The following PRXL2B variants were observed in gnomAD, a reference collection of about 807,000 sequenced individuals.
PRXL2B encodes prostamide/prostaglandin F synthase.
In PRXL2B, 26 loss-of-function variants were observed where a neutral mutation model predicts 24.4. That is an observed-to-expected ratio of 1.07 (90% confidence interval 0.78 to 1.48). The LOEUF (loss-of-function observed/expected upper bound fraction) is 1.48. Among genes scored for constraint, PRXL2B ranks in the 40% most tolerant of loss-of-function variants. The pLI is 0.00. For missense variants in PRXL2B, 269 were observed against 264.8 expected (o/e 1.02, Z -0.11); for synonymous variants, 115 against 118.9 (o/e 0.97, Z 0.21).
rs564092067 is a variant in PRXL2B at position 2,587,995 on chromosome 1, G to C, written c.320+203G>C. 1.3e-5 allele frequency among the ~76,000 whole-genome samples: 2 copies of C among 152,200 alleles called. No individual in the cohort carries two copies. The highest frequency in any genetic ancestry group is 6.5e-5 in the Admixed American group (1 of 15,310). On this transcript the variant is annotated intron_variant, in intron 3 of 6. Transcript: ENST00000419916. This position sits in a 1 kb window ranked among gnomAD's most constrained non-coding sequence, Gnocchi z 6.1. ...CTGGGTGACTGTAATGAGCCACCTCGTCCGGGGCTTACTCTCGGTGTCCAG... is the reference window on the plus strand; with the variant it reads ...CTGGGTGACTGTAATGAGCCACCTCCTCCGGGGCTTACTCTCGGTGTCCAG...
chr1:2,587,256 G>A lies in PRXL2B; in HGVS notation c.229G>A (p.Gly77Ser). 1 of 1,578,368 alleles carries A rather than the reference G, an allele frequency of 6.3e-7. No homozygotes were observed. The highest frequency in any genetic ancestry group is 8.6e-7 in the Non-Finnish European group (1 of 1,168,386). Reference protein sequence around the residue: ...RLVGVGPEALGLQEFLDGDYF... With the variant: ...RLVGVGPEALSLQEFLDGDYF... ...GGTGGGCGTAGGGCCCGAGGCCCTG[G>A]GTCTGCAGGAGTTCCTGGACGGCGA... Residue 77 changes from glycine to serine, a missense_variant, in exon 2 of 7, where the codon GGT becomes AGT. Physicochemically the swap from Gly to Ser is moderately conservative, Grantham distance 56. Transcript: ENST00000419916. The surrounding 1 kb of genome is among the most constrained non-coding windows in gnomAD (Gnocchi z 6.1).
In PRXL2B at chr1:2,588,452, A is replaced by AGGTG; in HGVS notation, c.384_384+3dup. Reference sequence around the variant, plus strand: ...AAGCCCGTGCGTGATGTGGCTGCCAAGGTGTGTGCGGGTCAAGGGTGTACA... The same window carrying AGGTG: ...AAGCCCGTGCGTGATGTGGCTGCCAAGGTGGGTGTGTGCGGGTCAAGGGTGTACA... On this transcript the variant is annotated frameshift_variant and splice_region_variant, in exon 4 of 7. Coordinates refer to ENST00000419916, the MANE Select transcript of PRXL2B (RefSeq NM_152371.5). LOFTEE classifies it high-confidence loss of function. The AGGTG allele has an allele frequency of 6.2e-7, 1 of 1,613,246 alleles. No homozygotes were observed. The highest frequency in any genetic ancestry group is 8.5e-7 in the Non-Finnish European group (1 of 1,179,990).
rs1644602838 is a variant in PRXL2B at position 2,588,953 on chromosome 1, G to T, written c.492G>T (p.Gln164His). Reference protein sequence around the residue: ...GGDKVLLHFVQKSPGDYVPKE... With the variant: ...GGDKVLLHFVHKSPGDYVPKE... ...ATAAAGTGCTCCTGCATTTCGTCCA[G>T]AAGTCCCCAGGCGACTACGTCCCCA... The change falls in exon 6 of 7, where the codon CAG becomes CAT. Residue 164 changes from glutamine to histidine, a missense_variant. By Grantham distance (24) the Gln-to-His change is conservative. Transcript: ENST00000419916. 11 of 1,613,214 alleles carry T rather than the reference G, an allele frequency of 6.8e-6. No homozygotes were observed. The highest frequency in any genetic ancestry group is 7.6e-6 in the Non-Finnish European group (9 of 1,180,016).
chr1:2,589,768 G>T lies in PRXL2B; in HGVS notation c.*341G>T. The stretch of plus-strand genomic sequence containing the variant: ...GGGCACTGGGGATGGTAACCTCACT[G>T]CCCCGTCACTCCCTTCAAAGGCGAC... On this transcript the variant is annotated 3_prime_UTR_variant, in exon 7 of 7. Coordinates refer to ENST00000419916, the MANE Select transcript of PRXL2B (RefSeq NM_152371.5). 1 of 438,398 alleles carries T rather than the reference G, an allele frequency of 2.3e-6. No individual in the cohort carries two copies. Among genetic ancestry groups the T allele is most frequent in the Non-Finnish European group, 4.1e-6 (1 of 242,788 alleles). 27.2% of individuals were successfully genotyped at this position (438,398 alleles called of 1,614,324 possible).
rs1644552444 is a variant in PRXL2B at position 2,587,442 on chromosome 1, CT to C, written c.268+148del. On this transcript the variant is annotated intron_variant, in intron 2 of 6. Coordinates refer to ENST00000419916, the MANE Select transcript of PRXL2B (RefSeq NM_152371.5). This position sits in a 1 kb window ranked among gnomAD's most constrained non-coding sequence, Gnocchi z 6.1. ...GTCAGCGTCCCTCATCTCTCCCTGC[CT>C]CCCCGCCCCGCAGCTGGTGGCTGGG... 1.0e-6 allele frequency: 1 copy of C among 988,256 alleles called. No individual in the cohort carries two copies. Among genetic ancestry groups the C allele is most frequent in the Non-Finnish European group, 1.5e-6 (1 of 668,254 alleles). The allele number at this position is 988,256 out of a possible 1,614,324, so 61.2% of individuals were successfully genotyped here. A position where few individuals can be genotyped will look rare whatever the true frequency, so the allele number is the denominator to read the frequency against.
At chr1:2,589,327 G>C (rs1644618192) in intron 6 of PRXL2B, 83 bp from the exon 7 acceptor site, 1 of 1,565,882 alleles carries the variant, frequency 6.4e-7, no homozygotes, top group African/African-American at 1.4e-5. Flanking sequence ...CCTTGGGAGG[G>C]CTGGGGATTG....
Position 2,591,413 on chromosome 1 carries a change from C to G in PRXL2B, c.*1986C>G, listed in dbSNP as rs61765768. ...GTAAGAGAATGTCCCTGACCGAAATCGGCCAGAAGCCCCTCTCAGGTTTAT... is the reference window on the plus strand; with the variant it reads ...GTAAGAGAATGTCCCTGACCGAAATGGGCCAGAAGCCCCTCTCAGGTTTAT... On this transcript the variant is annotated 3_prime_UTR_variant, in exon 7 of 7. Coordinates refer to ENST00000419916, the MANE Select transcript of PRXL2B (RefSeq NM_152371.5). The G allele has an allele frequency of 2.9e-6, 2 of 698,504 alleles. No individual in the cohort carries two copies. Among genetic ancestry groups the G allele is most frequent in the East Asian group, 2.6e-5 (1 of 38,746 alleles). 43.3% of individuals were successfully genotyped at this position (698,504 alleles called of 1,614,324 possible). A position where few individuals can be genotyped will look rare whatever the true frequency, so the allele number is the denominator to read the frequency against.
At chr1:2,589,221 G>A (rs887368733) in intron 6 of PRXL2B, among the ~76,000 whole-genome samples, 181 bp downstream of exon 6, 2 of 152,260 alleles carry the variant, frequency 1.3e-5, no homozygotes, top group African/African-American at 2.4e-5. Context: ...GAGAGGGGCC[G>A]AAGGGCAGCA....
chr1:2,590,948 G>A lies in PRXL2B; in HGVS notation c.*1521G>A, dbSNP rs773153444. The A allele has an allele frequency of 5.6e-5, 80 of 1,420,364 alleles. No individual in the cohort carries two copies. Among genetic ancestry groups the A allele is most frequent in the Non-Finnish European group, 7.0e-5 (75 of 1,072,350 alleles). 88.0% of individuals were successfully genotyped at this position (1,420,364 alleles called of 1,614,324 possible). ...TGCACCTTCGCACAGATGCCTCCGA[G>A]CAGCGGGTGGGCGTGGGCCGCACAG... On this transcript the variant is annotated 3_prime_UTR_variant, in exon 7 of 7. Coordinates refer to ENST00000419916, the MANE Select transcript of PRXL2B (RefSeq NM_152371.5).
rs2100911972 is a variant in PRXL2B, at chr1:2,589,561, AC to A, written c.*135del. On this transcript the variant is annotated 3_prime_UTR_variant, in exon 7 of 7. Transcript: ENST00000419916. ...AACCTCTCCTGATCCGCCGGCAGCA[AC>A]GAGCCATTAAAACTGCAGTTCCTGA... 1 of 1,299,290 alleles carries A rather than the reference AC, an allele frequency of 7.7e-7. No homozygotes were observed. The highest frequency in any genetic ancestry group is 2.1e-5 in the Admixed American group (1 of 47,698). The allele number at this position is 1,299,290 out of a possible 1,614,324, so 80.5% of individuals were successfully genotyped here.
At chr1:2,586,658 T>G, upstream of PRXL2B, 1 of 1,064,152 alleles carries the variant, frequency 9.4e-7, no homozygotes, top group Non-Finnish European at 1.2e-6. Context: ...CGGGGTGCGG[T>G]CGGGGGCGTG....
rs770714266 is a variant in PRXL2B, at chr1:2,588,533, G to T, written c.385-17G>T. ...CTTTCTTCTAGGATTGACTCAGGCT[G>T]TACCCACTCCTGACAGGCCAAGGCT... On this transcript the variant is annotated splice_polypyrimidine_tract_variant and intron_variant, in intron 4 of 6. Transcript: ENST00000419916. 10 of 1,614,110 alleles carry T rather than the reference G, an allele frequency of 6.2e-6. No individual in the cohort carries two copies. Among genetic ancestry groups the T allele is most frequent in the Non-Finnish European group, 7.6e-6 (9 of 1,179,984 alleles).
chr1:2,588,717 C>A, intron 5 of PRXL2B, 92 bp downstream of exon 5: 1 of 1,408,638 alleles, frequency 7.1e-7, no homozygotes, highest in Non-Finnish European at 9.9e-7. Flanking sequence ...GCTTGTCAGT[C>A]TCATCACAGC....
In PRXL2B at chr1:2,591,236, A is replaced by G. The variant is rs1327861927; in HGVS notation, c.*1809A>G. Reference sequence around the variant, plus strand: ...CAGAAACATTTCAACCATGAGATAAACCCCCATCTGACCAGAAACATGCCA... The same window carrying G: ...CAGAAACATTTCAACCATGAGATAAGCCCCCATCTGACCAGAAACATGCCA... On this transcript the variant is annotated 3_prime_UTR_variant, in exon 7 of 7. Coordinates refer to ENST00000419916, the MANE Select transcript of PRXL2B (RefSeq NM_152371.5). 11 of 612,332 alleles carry G rather than the reference A, an allele frequency of 1.8e-5. No homozygotes were observed. Among genetic ancestry groups the G allele is most frequent in the Admixed American group, 3.1e-5 (1 of 32,184 alleles). 37.9% of individuals were successfully genotyped at this position (612,332 alleles called of 1,614,324 possible).
At position 2,589,005 on chromosome 1, in the gene PRXL2B, A is replaced by G. The variant is rs746005922; in HGVS notation, c.544A>G (p.Ile182Val). Residue 182 changes from isoleucine (I) to valine (V), a missense_variant, in exon 6 of 7, where the codon ATC (isoleucine) becomes GTC (valine). Transcript: ENST00000419916. ...PKEHILQVLG[I>V]SAEVCASDPP... is the part of the protein sequence containing the mutation. ...GGAGCACATCCTGCAGGTCCTGGGC[A>G]TCTCTGCGGAGGTCTGTGCCAGCGA... is the stretch of plus-strand genomic sequence containing the variant. 2.0e-5 allele frequency: 32 copies of G among 1,613,068 alleles called. No individual in the cohort carries two copies. The highest frequency in any genetic ancestry group is 2.6e-5 in the Non-Finnish European group (31 of 1,179,972).
Position 2,587,528 on chromosome 1 carries a change from C to T in PRXL2B, c.269-213C>T, listed in dbSNP as rs540866584. On this transcript the variant is annotated intron_variant, in intron 2 of 6. Transcript: ENST00000419916. This position sits in a 1 kb window ranked among gnomAD's most constrained non-coding sequence, Gnocchi z 6.1. Reference sequence around the variant, plus strand: ...GTCTGGACGAGCTCTGCCCCGCCGGCTCCACCTGTTGCCTCTGGGACTCAG... The same window carrying T: ...GTCTGGACGAGCTCTGCCCCGCCGGTTCCACCTGTTGCCTCTGGGACTCAG... Among the ~76,000 whole-genome samples the T allele has an allele frequency of 6.6e-6, 1 of 152,296 alleles. No homozygotes were observed. The highest frequency in any genetic ancestry group is 6.5e-5 in the Admixed American group (1 of 15,308).
chr1:2,591,149 T>A lies in PRXL2B; in HGVS notation c.*1722T>A. 1 of 1,245,180 alleles carries A rather than the reference T, an allele frequency of 8.0e-7. No individual in the cohort carries two copies. The highest frequency in any genetic ancestry group is 1.1e-6 in the Non-Finnish European group (1 of 905,454). 77.1% of individuals were successfully genotyped at this position (1,245,180 alleles called of 1,614,324 possible). A position where few individuals can be genotyped will look rare whatever the true frequency, so the allele number is the denominator to read the frequency against. On this transcript the variant is annotated 3_prime_UTR_variant, in exon 7 of 7. Transcript: ENST00000419916. ...CCATCTTGGACAAACATGGCCATTT[T>A]AAGTTCTCCGTGATTAAAAACCAGC...
intron 5 of PRXL2B, 30 bp downstream of exon 5, chr1:2,588,655 C>A (rs777355554): frequency 6.2e-7 from 1 of 1,606,278 alleles, no homozygotes; most frequent in Non-Finnish European, 8.5e-7. Flanking sequence ...TCGGCCACTG[C>A]CTCAAGGAGG....
Position 2,588,628 on chromosome 1 carries a change from G to A in PRXL2B, c.460+3G>A, listed in dbSNP as rs769745435. On this transcript the variant is annotated splice_donor_region_variant and intron_variant, in intron 5 of 6. Coordinates refer to ENST00000419916, the MANE Select transcript of PRXL2B (RefSeq NM_152371.5). ...AGGGCTGCTGGTGGTCAGCAAAGGTGGGTCGAGGGAGGGGCCTCGGCCACT... is the reference window on the plus strand; with the variant it reads ...AGGGCTGCTGGTGGTCAGCAAAGGTAGGTCGAGGGAGGGGCCTCGGCCACT... The A allele has an allele frequency of 9.3e-6, 15 of 1,613,538 alleles. No individual in the cohort carries two copies. Among genetic ancestry groups the A allele is most frequent in the Non-Finnish European group, 8.5e-7 (1 of 1,179,866 alleles).
Sources: allele counts gnomAD v4.1 joint callset (sites outside exome capture counted in the v4.1 genomes callset), GRCh38; gene constraint gnomAD v4.1.1; non-coding constraint Gnocchi (gnomAD v3.1); transcripts MANE v1.5; gene names NCBI Gene and HGNC (gene_info 2026-07-23, HGNC 2026-07-21).